The following HPS6 variants were observed in gnomAD, a reference collection of about 807,000 sequenced individuals.
HPS6 encodes HPS6 biogenesis of lysosomal organelles complex 2 subunit 3, also known as BLOC-2 complex member HPS6.
A neutral mutation model predicts 53.6 loss-of-function variants in HPS6; 46 were observed. The observed-to-expected ratio is 0.86, with a 90% CI of 0.68 to 1.10. The LOEUF is 1.10. HPS6 is among the 50% of genes least tolerant of loss of function. HPS6 has a pLI of 0.00. For synonymous variants in HPS6, 535 were observed against 470.8 expected (o/e 1.14, Z -1.77); for missense variants, 1,034 against 991.3 (o/e 1.04, Z -0.58).
chr10:102,067,093 C>G lies in HPS6; in HGVS notation c.1619C>G (p.Pro540Arg), dbSNP rs2067977211. Residue 540 changes from proline to arginine, a missense_variant, in exon 1 of 1, where the codon CCC becomes CGC. Pro to Arg is a moderately radical substitution (Grantham distance 103, BLOSUM62 -2). Coordinates refer to ENST00000299238, the MANE Select transcript of HPS6 (RefSeq NM_024747.6). The part of the protein sequence containing the change: ...DGNGKLRSQA[P>R]PDVWKKVLGG... The stretch of plus-strand genomic sequence containing the variant: ...AATGGCAAGCTGAGGTCCCAAGCAC[C>G]CCCTGATGTGTGGAAGAAAGTGTTA... 4.3e-6 allele frequency: 7 copies of G among 1,614,152 alleles called. No individual in the cohort carries two copies. The East Asian group carries it at 1.6e-4, about 36-fold the overall frequency.
At position 102,065,481 on chromosome 10, in the gene HPS6, C is replaced by G; in HGVS notation, c.7C>G (p.Arg3Gly). Reference protein sequence around the residue: MKRSGTLRLLSDL... With the variant: MKGSGTLRLLSDL... ...GCTCCCGCGCAGCGGCGCCATGAAGCGCTCGGGGACTCTGCGGCTGCTCTC... is the reference window on the plus strand; with the variant it reads ...GCTCCCGCGCAGCGGCGCCATGAAGGGCTCGGGGACTCTGCGGCTGCTCTC... Residue 3 changes from arginine to glycine, a missense_variant, in exon 1 of 1, where the codon CGC (arginine) becomes GGC (glycine). Physicochemically the swap from Arg to Gly is moderately radical, Grantham distance 125. Transcript: ENST00000299238. The G allele has an allele frequency of 6.4e-7, 1 of 1,557,836 alleles. No individual in the cohort carries two copies. Among genetic ancestry groups the G allele is most frequent in the East Asian group, 2.4e-5 (1 of 41,060 alleles).
At position 102,067,818 on chromosome 10, in the gene HPS6, C is replaced by G; in HGVS notation, c.*16C>G. 1.2e-6 allele frequency: 2 copies of G among 1,612,856 alleles called. No individual in the cohort carries two copies. Among genetic ancestry groups the G allele is most frequent in the Non-Finnish European group, 1.7e-6 (2 of 1,179,866 alleles). ...GGACCTATGACTACCCTTCAGGCAT[C>G]AGAACACTCAGGGCCTGGAGGCTTG... On this transcript the variant is annotated 3_prime_UTR_variant, in exon 1 of 1. Transcript: ENST00000299238.
chr10:102,067,922 G>C lies in HPS6; in HGVS notation c.*120G>C. 8.0e-7 allele frequency: 1 copy of C among 1,244,774 alleles called. No homozygotes were observed. Among genetic ancestry groups the C allele is most frequent in the South Asian group, 1.2e-5 (1 of 81,764 alleles). The allele number at this position is 1,244,774 out of a possible 1,614,324, so 77.1% of individuals were successfully genotyped here. ...TCATTTCTAGGACACAGTGATCAGGGAAGGGTGCCTGGGACTTGGAGGGTC... is the reference window on the plus strand; with the variant it reads ...TCATTTCTAGGACACAGTGATCAGGCAAGGGTGCCTGGGACTTGGAGGGTC... On this transcript the variant is annotated 3_prime_UTR_variant, in exon 1 of 1. Coordinates refer to ENST00000299238, the MANE Select transcript of HPS6 (RefSeq NM_024747.6).
Position 102,065,757 on chromosome 10 carries a change from G to C in HPS6, c.283G>C (p.Val95Leu). ...PWPARPALVLVWESGLAEVWG... is the reference protein window; with the variant it reads ...PWPARPALVLLWESGLAEVWG... The stretch of plus-strand genomic sequence containing the variant: ...GCCAGCGCGGCCGGCGCTGGTGCTG[G>C]TGTGGGAGAGTGGCCTGGCCGAGGT... The change falls in exon 1 of 1, where the codon GTG becomes CTG. Residue 95 changes from valine (V) to leucine (L), a missense_variant. Physicochemically the swap from Val to Leu is conservative, Grantham distance 32. Coordinates refer to ENST00000299238, the MANE Select transcript of HPS6 (RefSeq NM_024747.6). 6.7e-7 allele frequency: 1 copy of C among 1,502,684 alleles called. No homozygotes were observed. Among genetic ancestry groups the C allele is most frequent in the East Asian group, 2.7e-5 (1 of 36,934 alleles). The allele number at this position is 1,502,684 out of a possible 1,614,324, so 93.1% of individuals were successfully genotyped here.
rs1449273532 is a variant in HPS6 at position 102,066,939 on chromosome 10, G to A, written c.1465G>A (p.Glu489Lys). ...TGGTTGGACTGAGCTGGCGGAGCAG[G>A]AAGTGGCACGCCTGCTGAGGACTGA... ...EAGWTELAEQ[E>K]VARLLRTELI... is the part of the protein sequence containing the mutation. The change falls in exon 1 of 1, where the codon GAA becomes AAA. Residue 489 changes from glutamate to lysine, a missense_variant. Physicochemically the swap from Glu to Lys is moderately conservative, Grantham distance 56 (BLOSUM62 1). Transcript: ENST00000299238. 6.2e-7 allele frequency: 1 copy of A among 1,614,182 alleles called. No individual in the cohort carries two copies. The highest frequency in any genetic ancestry group is 1.1e-5 in the South Asian group (1 of 91,080).
rs1473442698 is a variant in HPS6, at chr10:102,066,067, G to A, written c.593G>A (p.Arg198Lys). The A allele has an allele frequency of 7.4e-6, 12 of 1,611,832 alleles. No individual in the cohort carries two copies. The highest frequency in any genetic ancestry group is 8.5e-7 in the Non-Finnish European group (1 of 1,180,032). The stretch of plus-strand genomic sequence containing the variant: ...GCCTTCGGGCTGCTGGCCTCCTGCA[G>A]ACAACTCTTCCTGGTGCCCACTGCC... ...CPAFGLLASC[R>K]QLFLVPTATT... is the part of the protein sequence containing the mutation. Residue 198 changes from arginine (R) to lysine (K), a missense_variant, in exon 1 of 1, where the codon AGA becomes AAA. Coordinates refer to ENST00000299238, the MANE Select transcript of HPS6 (RefSeq NM_024747.6).
At position 102,065,669 on chromosome 10, in the gene HPS6, G is replaced by A. The variant is rs763842702; in HGVS notation, c.195G>A (p.Ala65=). 3 of 1,533,722 alleles carry A rather than the reference G, an allele frequency of 2.0e-6. No individual in the cohort carries two copies. Among genetic ancestry groups the A allele is most frequent in the South Asian group, 2.4e-5 (2 of 83,540 alleles). The change falls in exon 1 of 1, where the codon GCG becomes GCA. Residue 65 remains alanine (A), a synonymous_variant. Coordinates refer to ENST00000299238, the MANE Select transcript of HPS6 (RefSeq NM_024747.6). ...QLLVASRGPG[A]ELERAWPAGQ... ...TAGTCGCGTCGCGAGGGCCCGGCGC[G>A]GAGCTAGAGCGGGCCTGGCCGGCCG...
chr10:102,068,030 T>A lies in HPS6; in HGVS notation c.*228T>A, dbSNP rs1388348727. On this transcript the variant is annotated 3_prime_UTR_variant, in exon 1 of 1. Coordinates refer to ENST00000299238, the MANE Select transcript of HPS6 (RefSeq NM_024747.6). ...GTGTGTGTTAAATATATACATAGTT[T>A]AATATATACACAGTTGTGTGTTTTT... The A allele has an allele frequency of 9.5e-6, 6 of 629,712 alleles. No homozygotes were observed. The highest frequency in any genetic ancestry group is 1.7e-5 in the Non-Finnish European group (6 of 344,074). 39.0% of individuals were successfully genotyped at this position (629,712 alleles called of 1,614,324 possible).
chr10:102,065,650 C>T lies in HPS6; in HGVS notation c.176C>T (p.Ala59Val). Residue 59 changes from alanine (A) to valine (V), a missense_variant, in exon 1 of 1, where the codon GCG becomes GTG. Transcript: ENST00000299238. ...PGAVAPQLLV[A>V]SRGPGAELER... Reference sequence around the variant, plus strand: ...GCGGTAGCCCCACAGCTGCTAGTCGCGTCGCGAGGGCCCGGCGCGGAGCTA... The same window carrying T: ...GCGGTAGCCCCACAGCTGCTAGTCGTGTCGCGAGGGCCCGGCGCGGAGCTA... 2 of 1,540,050 alleles carry T rather than the reference C, an allele frequency of 1.3e-6. No individual in the cohort carries two copies. Among genetic ancestry groups the T allele is most frequent in the Non-Finnish European group, 1.7e-6 (2 of 1,154,476 alleles).
In HPS6 at chr10:102,065,526, G is replaced by A; in HGVS notation, c.52G>A (p.Gly18Ser). The A allele has an allele frequency of 6.4e-7, 1 of 1,551,046 alleles. No individual in the cohort carries two copies. The highest frequency in any genetic ancestry group is 8.6e-7 in the Non-Finnish European group (1 of 1,160,258). Residue 18 changes from glycine (G) to serine (S), a missense_variant, in exon 1 of 1, where the codon GGC (glycine) becomes AGC (serine). By Grantham distance (56) the Gly-to-Ser change is moderately conservative. Transcript: ENST00000299238. ...RLLSDLSAFG[G>S]AARLRELVAG... ...GCTCTCGGACCTGAGCGCCTTCGGC[G>A]GCGCGGCGCGGCTCCGGGAGCTGGT...
chr10:102,065,498 G>T lies in HPS6; in HGVS notation c.24G>T (p.Arg8=), dbSNP rs1487543698. The T allele has an allele frequency of 1.3e-6, 2 of 1,560,736 alleles. No homozygotes were observed. Among genetic ancestry groups the T allele is most frequent in the Non-Finnish European group, 1.7e-6 (2 of 1,164,674 alleles). The change falls in exon 1 of 1, where the codon CGG becomes CGT. Residue 8 remains arginine, a synonymous_variant. Coordinates refer to ENST00000299238, the MANE Select transcript of HPS6 (RefSeq NM_024747.6). ...CCATGAAGCGCTCGGGGACTCTGCG[G>T]CTGCTCTCGGACCTGAGCGCCTTCG... MKRSGTL[R]LLSDLSAFGG... is the part of the protein sequence containing the mutation.
At position 102,065,818 on chromosome 10, in the gene HPS6, TGCA is replaced by T; in HGVS notation, c.346_348del (p.Gln116del). The T allele has an allele frequency of 6.7e-7, 1 of 1,500,456 alleles. No individual in the cohort carries two copies. The highest frequency in any genetic ancestry group is 8.8e-7 in the Non-Finnish European group (1 of 1,133,854). 92.9% of individuals were successfully genotyped at this position (1,500,456 alleles called of 1,614,324 possible). On this transcript the variant is annotated inframe_deletion, in exon 1 of 1. Transcript: ENST00000299238. ...GGCGTGGGGCCTGGCTGGCGGCCGCTGCAGAGCACCGAGCTGTGTCCGGGCGGG... is the reference window on the plus strand; with the variant it reads ...GGCGTGGGGCCTGGCTGGCGGCCGCTGAGCACCGAGCTGTGTCCGGGCGGG...
At position 102,065,764 on chromosome 10, in the gene HPS6, A is replaced by G. The variant is rs939639777; in HGVS notation, c.290A>G (p.Glu97Gly). ...CGGCCGGCGCTGGTGCTGGTGTGGG[A>G]GAGTGGCCTGGCCGAGGTGTGGGGC... is the stretch of plus-strand genomic sequence containing the variant. ...PARPALVLVW[E>G]SGLAEVWGAG... The change falls in exon 1 of 1, where the codon GAG (glutamate) becomes GGG (glycine). Residue 97 changes from glutamate to glycine, a missense_variant. Coordinates refer to ENST00000299238, the MANE Select transcript of HPS6 (RefSeq NM_024747.6). 3 of 1,501,150 alleles carry G rather than the reference A, an allele frequency of 2.0e-6. No individual in the cohort carries two copies. The East Asian group carries it at 8.1e-5, about 41-fold the overall frequency. 93.0% of individuals were successfully genotyped at this position (1,501,150 alleles called of 1,614,324 possible). A position where few individuals can be genotyped will look rare whatever the true frequency, so the allele number is the denominator to read the frequency against.
At position 102,065,707 on chromosome 10, in the gene HPS6, C is replaced by A. The variant is rs1228708333; in HGVS notation, c.233C>A (p.Pro78Gln). 4 of 1,509,276 alleles carry A rather than the reference C, an allele frequency of 2.7e-6. No individual in the cohort carries two copies. Among genetic ancestry groups the A allele is most frequent in the South Asian group, 1.2e-5 (1 of 81,278 alleles). 93.5% of individuals were successfully genotyped at this position (1,509,276 alleles called of 1,614,324 possible). Residue 78 changes from proline (P) to glutamine (Q), a missense_variant, in exon 1 of 1, where the codon CCG (proline) becomes CAG (glutamine). Transcript: ENST00000299238. The stretch of plus-strand genomic sequence containing the variant: ...GCCTGGCCGGCCGGCCAGCCCTCCC[C>A]GCTGGACGCCTTCTTCCTGCCGTGG... The part of the protein sequence containing the change: ...ERAWPAGQPS[P>Q]LDAFFLPWPA...
chr10:102,066,523 C>T lies in HPS6; in HGVS notation c.1049C>T (p.Thr350Ile). The T allele has an allele frequency of 6.2e-7, 1 of 1,614,178 alleles. No individual in the cohort carries two copies. Among genetic ancestry groups the T allele is most frequent in the East Asian group, 2.2e-5 (1 of 44,878 alleles). The change falls in exon 1 of 1, where the codon ACA (threonine) becomes ATA (isoleucine). Residue 350 changes from threonine to isoleucine, a missense_variant. By Grantham distance (89) the Thr-to-Ile change is moderately conservative (BLOSUM62 -1). Transcript: ENST00000299238. ...GQLLERKVLS[T>I]DRVHLLEPPA... ...CTGCTGGAGAGGAAGGTCCTAAGTA[C>T]AGACAGGGTACATCTGCTAGAACCG...
In HPS6 at chr10:102,067,320, G is replaced by A. The variant is rs968743952; in HGVS notation, c.1846G>A (p.Gly616Arg). 1 of 1,613,220 alleles carries A rather than the reference G, an allele frequency of 6.2e-7. No individual in the cohort carries two copies. The highest frequency in any genetic ancestry group is 1.3e-5 in the African/African-American group (1 of 75,068). Residue 616 changes from glycine (G) to arginine (R), a missense_variant, in exon 1 of 1, where the codon GGG becomes AGG. Gly to Arg is a moderately radical substitution (Grantham distance 125). Transcript: ENST00000299238. ...RRALAVLGEE[G>R]TRPEALELEL... Reference sequence around the variant, plus strand: ...AGCTCTGGCAGTGCTAGGTGAGGAGGGGACCAGGCCTGAGGCTCTGGAGCT... The same window carrying A: ...AGCTCTGGCAGTGCTAGGTGAGGAGAGGACCAGGCCTGAGGCTCTGGAGCT...
rs2067966022 is a variant in HPS6, at chr10:102,065,965, G to A, written c.491G>A (p.Cys164Tyr). The A allele has an allele frequency of 1.3e-6, 2 of 1,596,166 alleles. No homozygotes were observed. Among genetic ancestry groups the A allele is most frequent in the Non-Finnish European group, 1.7e-6 (2 of 1,178,754 alleles). Reference protein sequence around the residue: ...SPAAAFSHCVCVRTLEPSGEA... With the variant: ...SPAAAFSHCVYVRTLEPSGEA... ...GCAGCCGCTTTCAGCCACTGTGTGT[G>A]CGTCCGGACTCTGGAGCCCAGCGGG... The change falls in exon 1 of 1, where the codon TGC becomes TAC. Residue 164 changes from cysteine (C) to tyrosine (Y), a missense_variant. Physicochemically the swap from Cys to Tyr is radical, Grantham distance 194. Transcript: ENST00000299238.
In HPS6 at chr10:102,067,271, C is replaced by G; in HGVS notation, c.1797C>G (p.Gly599=). ...GCGGGCCGGGCTGGGGGGCAGGGGG[C>G]CCAGGACTGCCCCTGTATCGCCGAG... ...QQGGPGWGAG[G]PGLPLYRRAL... Residue 599 remains glycine (G), a synonymous_variant, in exon 1 of 1, where the codon GGC becomes GGG. Transcript: ENST00000299238. 1 of 1,612,756 alleles carries G rather than the reference C, an allele frequency of 6.2e-7. No individual in the cohort carries two copies. Among genetic ancestry groups the G allele is most frequent in the Non-Finnish European group, 8.5e-7 (1 of 1,179,792 alleles).
In HPS6 at chr10:102,065,880, G is replaced by A; in HGVS notation, c.406G>A (p.Gly136Ser). ...CGTTGTGGCAGTGGCGGCGCTCCGA[G>A]GCCGCCTGGTGTGGTGCGAGGAGCG... ...ARVVAVAALR[G>S]RLVWCEERQA... Residue 136 changes from glycine (G) to serine (S), a missense_variant, in exon 1 of 1, where the codon GGC becomes AGC. Gly to Ser is a moderately conservative substitution (Grantham distance 56). Coordinates refer to ENST00000299238, the MANE Select transcript of HPS6 (RefSeq NM_024747.6). 6.5e-6 allele frequency: 10 copies of A among 1,533,152 alleles called. No individual in the cohort carries two copies. Among genetic ancestry groups the A allele is most frequent in the Non-Finnish European group, 8.7e-6 (10 of 1,145,696 alleles). The allele number at this position is 1,533,152 out of a possible 1,614,324, so 95.0% of individuals were successfully genotyped here.
Sources: allele counts gnomAD v4.1 joint callset, GRCh38; gene constraint gnomAD v4.1.1; transcripts MANE v1.5; gene names NCBI Gene and HGNC (gene_info 2026-07-23, HGNC 2026-07-21).